Variants in ADGRG6 observed in about 807,000 individuals in gnomAD.
The protein encoded by ADGRG6 is G-protein coupled receptor 126.
ADGRG6 carries 84 observed loss-of-function variants against 142.4 expected under a neutral mutation model. The ratio of observed to expected loss-of-function variants is 0.59; its 90% confidence interval spans 0.49 to 0.71. ADGRG6 has a LOEUF of 0.71. Among genes scored for constraint, ADGRG6 ranks in the 30% least tolerant of loss-of-function variants. ADGRG6 has a pLI of 0.00. For synonymous variants in ADGRG6, 521 were observed against 520.5 expected (o/e 1.00, Z -0.01); for missense variants, 1,367 against 1,466.6 (o/e 0.93, Z 1.11).
chr6:142,307,259 G>A (rs1777546128), intron 1 of ADGRG6, among the ~76,000 whole-genome samples: 1 of 152,078 alleles, frequency 6.6e-6, no homozygotes, highest in Non-Finnish European at 1.5e-5. Flanking sequence ...ATTCTCTTGA[G>A]CTGATACATC....
At position 142,363,987 on chromosome 6, in the gene ADGRG6, T is replaced by A. The variant is rs375407217; in HGVS notation, c.104-3582T>A. The stretch of plus-strand genomic sequence containing the variant: ...TTGAGCTCACCGTTTTGTTCTGTAT[T>A]TTTTGTTTAATTGTGGCAACTTTTT... On this transcript the variant is annotated intron_variant, in intron 2 of 24. Coordinates refer to ENST00000367609, the MANE Select transcript of ADGRG6 (RefSeq NM_198569.3). Among the ~76,000 whole-genome samples the A allele has an allele frequency of 3.2e-4, 49 of 152,050 alleles. No homozygotes were observed. The South Asian group carries it at 5.2e-3, about 16-fold the overall frequency.
chr6:142,371,655 T>C (rs1781267057), intron 4 of ADGRG6, among the ~76,000 whole-genome samples: 1 of 151,716 alleles, frequency 6.6e-6, no homozygotes, highest in African/African-American at 2.4e-5. Flanking sequence ...CCGGCTAATT[T>C]TTTGTGTTTT....
chr6:142,351,152 A>C lies in ADGRG6; in HGVS notation c.104-16417A>C, dbSNP rs760343110. ...GCTACTTCGGAGGCTGAGGCAGGAG[A>C]ACTCAGGAGGCGGAGCTTGCAGTGA... On this transcript the variant is annotated intron_variant, in intron 2 of 24. Coordinates refer to ENST00000367609, the MANE Select transcript of ADGRG6 (RefSeq NM_198569.3). Among the ~76,000 whole-genome samples, 43 of 152,238 alleles carry C rather than the reference A, an allele frequency of 2.8e-4. 1 individual carries two copies. The Middle Eastern group carries it at 0.02, about 72-fold the overall frequency.
chr6:142,382,442 A>C (rs1043663604), intron 5 of ADGRG6, among the ~76,000 whole-genome samples: 2 of 152,222 alleles, frequency 1.3e-5, no homozygotes, highest in Non-Finnish European at 2.9e-5. Flanking sequence ...AGATAAGGCC[A>C]TGAGGCAATT....
chr6:142,411,135 A>G (rs1301336954), intron 17 of ADGRG6, among the ~76,000 whole-genome samples, 170 bp from the exon 18 acceptor site: 1 of 152,188 alleles, frequency 6.6e-6, no homozygotes, highest in African/African-American at 2.4e-5. Context: ...TGATTATTCT[A>G]GGAATCCAAA....
intron 22 of ADGRG6, among the ~76,000 whole-genome samples, chr6:142,436,138 C>A (rs1445006845): frequency 1.3e-5 from 2 of 151,912 alleles, no homozygotes; most frequent in Non-Finnish European, 2.9e-5. Flanking sequence ...GAGAAAGGGG[C>A]AGAACCAAAT....
chr6:142,325,191 T>G (rs944550157), intron 2 of ADGRG6, among the ~76,000 whole-genome samples: 1 of 152,148 alleles, frequency 6.6e-6, no homozygotes, highest in Non-Finnish European at 1.5e-5. Context: ...TTACAGACAA[T>G]ATGTCTAAAA....
In ADGRG6 at chr6:142,397,688, G is replaced by A; in HGVS notation, c.1500G>A (p.Lys500=). The A allele has an allele frequency of 6.2e-7, 1 of 1,607,920 alleles. No homozygotes were observed. Among genetic ancestry groups the A allele is most frequent in the Non-Finnish European group, 8.5e-7 (1 of 1,176,250 alleles). The part of the protein sequence containing the change: ...TNLEGKIIQQ[K]LLKNNESLDE... ...TGGAAGGAAAAATCATTCAGCAGAA[G>A]CTCCTAAAAAATAATGAGTCCTTGG... The change falls in exon 10 of 25, where the codon AAG becomes AAA. Residue 500 remains lysine, a synonymous_variant. Coordinates refer to ENST00000367609, the MANE Select transcript of ADGRG6 (RefSeq NM_198569.3).
intron 2 of ADGRG6, among the ~76,000 whole-genome samples, chr6:142,343,846 G>A (rs1779772976): frequency 6.6e-6 from 1 of 151,876 alleles, no homozygotes; most frequent in African/African-American, 2.4e-5. Context: ...AAATTCAAAA[G>A]TGGGCATTCC....
At chr6:142,419,175 C>T (rs969500185) in intron 21 of ADGRG6, among the ~76,000 whole-genome samples, 4 of 152,124 alleles carry the variant, frequency 2.6e-5, no homozygotes, top group Non-Finnish European at 5.9e-5. Context: ...ACTCTTTGCA[C>T]ATGACAAGAA....
rs1388573019 is a variant in ADGRG6 at position 142,370,729 on chromosome 6, C to T, written c.1005C>T (p.Asp335=). 1 of 1,613,716 alleles carries T rather than the reference C, an allele frequency of 6.2e-7. No individual in the cohort carries two copies. Among genetic ancestry groups the T allele is most frequent in the South Asian group, 1.1e-5 (1 of 91,074 alleles). ...GTAATGTGAAAGGGAATGTAGTCGA[C>T]TGGCAAAATGACTTCTGGAATATCC... The part of the protein sequence containing the change: ...LSCNVKGNVV[D]WQNDFWNIPN... The change falls in exon 4 of 25, where the codon GAC becomes GAT. Residue 335 remains aspartate (D), a synonymous_variant. Coordinates refer to ENST00000367609, the MANE Select transcript of ADGRG6 (RefSeq NM_198569.3).
At chr6:142,336,170 A>G (rs1434508540) in intron 2 of ADGRG6, among the ~76,000 whole-genome samples, 1 of 152,144 alleles carries the variant, frequency 6.6e-6, no homozygotes, top group African/African-American at 2.4e-5. Flanking sequence ...ACTTCTCTCA[A>G]GGATAAAGGC....
chr6:142,401,503 A>G (rs938723914), intron 11 of ADGRG6, among the ~76,000 whole-genome samples: 1 of 152,136 alleles, frequency 6.6e-6, no homozygotes, highest in Non-Finnish European at 1.5e-5. Context: ...TTTTTTTCCC[A>G]TAAGAATTTT....
intron 2 of ADGRG6, among the ~76,000 whole-genome samples, chr6:142,366,639 T>C (rs1583042782): frequency 2.0e-5 from 3 of 151,750 alleles, no homozygotes; most frequent in Non-Finnish European, 4.4e-5. Context: ...CCTGTAATCC[T>C]AGCTACTCGG....
At chr6:142,353,879 C>T (rs150615604) in intron 2 of ADGRG6, among the ~76,000 whole-genome samples, 7 of 152,242 alleles carry the variant, frequency 4.6e-5, no homozygotes, top group Admixed American at 1.3e-4. Flanking sequence ...GCTTCAGCAG[C>T]CCAAATCTAA....
intron 1 of ADGRG6, among the ~76,000 whole-genome samples, chr6:142,307,529 T>C (rs1165673487): frequency 6.6e-6 from 1 of 152,044 alleles, no homozygotes; most frequent in Non-Finnish European, 1.5e-5. Flanking sequence ...CCTACCGTTT[T>C]AAAAGCCCCT....
chr6:142,440,068 G>C (rs1028027120), intron 24 of ADGRG6, among the ~76,000 whole-genome samples: 1 of 152,100 alleles, frequency 6.6e-6, no homozygotes, highest in Non-Finnish European at 1.5e-5. Context: ...TAGCTGGCCT[G>C]AAGAAATGCC....
At chr6:142,338,027 T>TTTTTTTTTTTTG (rs1554234629) in intron 2 of ADGRG6, among the ~76,000 whole-genome samples, 723 of 57,972 alleles carry the variant, frequency 0.012, 165 homozygotes, top group African/African-American at 0.028. Context: ...GTTTTTTTTT[T>TTTTTTTTTTTTG]TTTTTTTTTT....
chr6:142,371,487 T>G (rs60938065), intron 4 of ADGRG6, among the ~76,000 whole-genome samples: 39,773 of 130,238 alleles, frequency 0.31, 5,507 homozygotes, highest in African/African-American at 0.45. Context: ...TTTTTTTGTT[T>G]TTTTTTTTTT....
Sources: allele counts gnomAD v4.1 joint callset (sites outside exome capture counted in the v4.1 genomes callset), GRCh38; gene constraint gnomAD v4.1.1; transcripts MANE v1.5; gene names NCBI Gene and HGNC (gene_info 2026-07-23, HGNC 2026-07-21).